The following OTOP1 variants were observed in gnomAD, a reference collection of about 807,000 sequenced individuals.
The protein encoded by OTOP1 is otopetrin 1, also known as proton channel OTOP1.
A neutral mutation model predicts 52.9 loss-of-function variants in OTOP1; 59 were observed. That is an observed-to-expected ratio of 1.12 (90% CI 0.91 to 1.39). The LOEUF (loss-of-function observed/expected upper bound fraction) is 1.39, where lower values mean the gene tolerates loss of function less well. Among genes scored for constraint, OTOP1 ranks in the 40% most tolerant of loss-of-function variants. The pLI, the probability that OTOP1 is intolerant of heterozygous loss-of-function variation, is 0.00. For missense variants in OTOP1, 761 were observed against 800.9 expected (o/e 0.95, Z 0.60); for synonymous variants, 317 against 337.7 (o/e 0.94, Z 0.67).
At chr4:4,196,934 T>C (rs1170348348) in intron 5 of OTOP1, among the ~76,000 whole-genome samples, 2 of 152,030 alleles carry the variant, frequency 1.3e-5, no homozygotes, top group Non-Finnish European at 2.9e-5. Flanking sequence ...AACACAAATA[T>C]ATGAACAGAC....
intron 1 of OTOP1, among the ~76,000 whole-genome samples, chr4:4,219,745 T>C (rs1717235323): frequency 6.6e-6 from 1 of 150,628 alleles, no homozygotes; most frequent in Non-Finnish European, 1.5e-5. Flanking sequence ...CAGCCACATG[T>C]GTGCCCAAAT....
At chr4:4,203,374 T>C (rs1035236884) in intron 3 of OTOP1, among the ~76,000 whole-genome samples, 12 of 152,204 alleles carry the variant, frequency 7.9e-5, no homozygotes, top group Middle Eastern at 3.2e-3. Flanking sequence ...ATTGTTGAGC[T>C]GCGGGAGATC....
rs780304132 is a variant in OTOP1, at chr4:4,188,916, T to A, written c.1726A>T (p.Ile576Phe). ...RPEYDNGLEE[I>F]VFGFEPWIIV... Reference sequence around the variant, plus strand: ...ATCCAGGGTTCAAAGCCAAAGACAATCTCCTCCAATCCATTGTCATACTCA... The same window carrying A: ...ATCCAGGGTTCAAAGCCAAAGACAAACTCCTCCAATCCATTGTCATACTCA... The change falls in exon 6 of 6, where the codon ATT (isoleucine) becomes TTT (phenylalanine). Residue 576 changes from isoleucine (I) to phenylalanine (F), a missense_variant. Transcript: ENST00000296358. The A allele has an allele frequency of 2.5e-6, 4 of 1,613,434 alleles. No homozygotes were observed. Among genetic ancestry groups the A allele is most frequent in the Non-Finnish European group, 2.5e-6 (3 of 1,179,722 alleles).
At position 4,188,974 on chromosome 4, in the gene OTOP1, C is replaced by A. The variant is rs779325797; in HGVS notation, c.1669-1G>T. The stretch of plus-strand genomic sequence containing the variant: ...AGCCAAAGGCGGGAGGTATCCAAAG[C>A]TGCAAGAGAAGAGAAAATGGCATGT... On this transcript the variant is annotated splice_acceptor_variant, in intron 5 of 5. Coordinates refer to ENST00000296358, the MANE Select transcript of OTOP1 (RefSeq NM_177998.3). LOFTEE classifies it high-confidence loss of function. 1 of 1,610,458 alleles carries A rather than the reference C, an allele frequency of 6.2e-7. No individual in the cohort carries two copies. Among genetic ancestry groups the A allele is most frequent in the East Asian group, 2.2e-5 (1 of 44,734 alleles).
chr4:4,192,390 G>A (rs569199895), intron 5 of OTOP1, among the ~76,000 whole-genome samples: 22 of 152,288 alleles, frequency 1.4e-4, no homozygotes, highest in African/African-American at 4.8e-4. Context: ...GCCTATCCAA[G>A]CCCTGCCAGA....
At chr4:4,210,231 G>C (rs1161177741) in intron 2 of OTOP1, among the ~76,000 whole-genome samples, 1 of 152,182 alleles carries the variant, frequency 6.6e-6, no homozygotes, top group African/African-American at 2.4e-5. Context: ...AGTTCGTTCT[G>C]CCCTCATTAA....
chr4:4,202,711 C>T (rs1716816818), intron 3 of OTOP1, 133 bp from the exon 4 acceptor site: 2 of 1,182,142 alleles, frequency 1.7e-6, no homozygotes, highest in Admixed American at 2.2e-5. Flanking sequence ...GCAGTTCAGG[C>T]TCTGGGTGGG....
At position 4,222,820 on chromosome 4, in the gene OTOP1, G is replaced by T. The variant is rs574049947; in HGVS notation, c.403+3642C>A. On this transcript the variant is annotated intron_variant, in intron 1 of 5. Transcript: ENST00000296358. ...AATTCCAGAGGAAACCCCAGTCCCT[G>T]TTGGGGCTGAAGGTGCTTCCTTTTG... Among the ~76,000 whole-genome samples the T allele has an allele frequency of 2.0e-5, 3 of 152,322 alleles. No individual in the cohort carries two copies. In the South Asian group the frequency reaches 6.2e-4, roughly 32 times the overall value.
Position 4,197,870 on chromosome 4 carries a change from G to T in OTOP1, c.964C>A (p.Leu322Met), listed in dbSNP as rs762903880. Residue 322 changes from leucine to methionine, a missense_variant, in exon 5 of 6, where the codon CTG becomes ATG. Around this residue, in one of 3 missense-constraint regions of OTOP1, gnomAD observed 632 missense variants for 619.5 expected, o/e 1.02. Transcript: ENST00000296358. Reference sequence around the variant, plus strand: ...ACCACCACAGCAATGGTGGCGGCCAGCACGGTCAGGCCCAGGACTGCGCCC... The same window carrying T: ...ACCACCACAGCAATGGTGGCGGCCATCACGGTCAGGCCCAGGACTGCGCCC... ...MVGAVLGLTV[L>M]AATIAVVVVY... The T allele has an allele frequency of 1.2e-6, 2 of 1,614,108 alleles. No individual in the cohort carries two copies. The highest frequency in any genetic ancestry group is 4.5e-5 in the East Asian group (2 of 44,890).
intron 2 of OTOP1, among the ~76,000 whole-genome samples, chr4:4,210,520 C>T (rs907602313): frequency 6.6e-6 from 1 of 152,112 alleles, no homozygotes. Context: ...TGTCTGTGTC[C>T]TTCTCTCCTC....
At chr4:4,209,612 A>G (rs1168346049) in intron 2 of OTOP1, among the ~76,000 whole-genome samples, 5 of 152,172 alleles carry the variant, frequency 3.3e-5, no homozygotes, top group Admixed American at 1.3e-4. Flanking sequence ...AATTTGCTGC[A>G]CACCTAGCCC....
At chr4:4,206,510 A>ACAG (rs1470764662) in intron 2 of OTOP1, among the ~76,000 whole-genome samples, 3 of 152,368 alleles carry the variant, frequency 2.0e-5, no homozygotes, top group African/African-American at 7.2e-5. Flanking sequence ...TATTCACTGT[A>ACAG]CAGTTACTCC....
At chr4:4,201,501 T>TAC (rs1402469085) in intron 4 of OTOP1, among the ~76,000 whole-genome samples, 4 of 82,862 alleles carry the variant, frequency 4.8e-5, no homozygotes, top group African/African-American at 3.9e-5. Context: ...CACACACACA[T>TAC]ACACACACAC....
chr4:4,215,904 G>C (rs1173286622), intron 1 of OTOP1, among the ~76,000 whole-genome samples: 4 of 151,978 alleles, frequency 2.6e-5, no homozygotes, highest in African/African-American at 9.7e-5. Flanking sequence ...AGTGATTCTT[G>C]TGCCTCAACC....
chr4:4,221,680 A>G (rs1277859958), intron 1 of OTOP1, among the ~76,000 whole-genome samples: 2 of 152,308 alleles, frequency 1.3e-5, no homozygotes, highest in South Asian at 2.1e-4. Flanking sequence ...CTCTGCCTGA[A>G]CATCAGCTCC....
intron 2 of OTOP1, among the ~76,000 whole-genome samples, chr4:4,209,191 G>A (rs1716972651): frequency 6.6e-6 from 1 of 152,118 alleles, no homozygotes; most frequent in Non-Finnish European, 1.5e-5. Flanking sequence ...CCTCTCCTTG[G>A]TGCTTTCCCA....
intron 1 of OTOP1, among the ~76,000 whole-genome samples, chr4:4,213,339 T>A (rs533304481): frequency 6.6e-6 from 1 of 152,200 alleles, no homozygotes; most frequent in Non-Finnish European, 1.5e-5. Context: ...GCTTTGGCAA[T>A]AATTTCTTGG....
At chr4:4,220,579 TA>T (rs1717278106) in intron 1 of OTOP1, among the ~76,000 whole-genome samples, 1 of 152,172 alleles carries the variant, frequency 6.6e-6, no homozygotes, top group South Asian at 2.1e-4. Context: ...ACCTATCTCA[TA>T]GGGGTGCTGA....
rs79074701 is a variant in OTOP1 at position 4,207,045 on chromosome 4, T to C, written c.541-915A>G. Among the ~76,000 whole-genome samples the C allele has an allele frequency of 7.0e-3, 1,063 of 152,336 alleles. 6 individuals are homozygous for C. The highest frequency in any genetic ancestry group is 0.024 in the African/African-American group (1,017 of 41,568). On this transcript the variant is annotated intron_variant, in intron 2 of 5. Transcript: ENST00000296358. ...TTATAAATTTGTCTCATTTAATCTT[T>C]ATTCTCTAGTTATAAAAATAAAATC...
Sources: allele counts gnomAD v4.1 joint callset (sites outside exome capture counted in the v4.1 genomes callset), GRCh38; gene constraint gnomAD v4.1.1; regional missense constraint gnomAD v4.1.1; transcripts MANE v1.5; gene names NCBI Gene and HGNC (gene_info 2026-07-23, HGNC 2026-07-21).